The following JADE3 variants were observed in gnomAD, a reference collection of about 807,000 sequenced individuals.
The protein encoded by JADE3 is jade family PHD finger 3.
JADE3 carries 2 observed loss-of-function variants against 50.1 expected under a neutral mutation model. The ratio of observed to expected loss-of-function variants is 0.04; its 90% CI spans 0.02 to 0.13. The LOEUF (loss-of-function observed/expected upper bound fraction) is 0.13. JADE3 is among the 10% of genes least tolerant of loss of function. JADE3 has a pLI of 1.00. For synonymous variants in JADE3, 218 were observed against 232.9 expected, an observed-to-expected ratio of 0.94 and a Z score of 0.58; for missense variants, 475 against 634.4, an observed-to-expected ratio of 0.75 and a Z score of 2.70.
At chrX:46,982,974 G>A (rs1376903575) in intron 1 of JADE3, among the ~76,000 whole-genome samples, 6 of 111,265 alleles carry the variant, frequency 5.4e-5, no homozygotes, top group African/African-American at 2.0e-4. Context: ...GATTACAGGC[G>A]CCTGCCACCA....
At chrX:46,913,939 A>C (rs999474530) in intron 1 of JADE3, among the ~76,000 whole-genome samples, 3 of 110,296 alleles carry the variant, frequency 2.7e-5, no homozygotes, top group African/African-American at 9.9e-5. Flanking sequence ...GCTGAGGATG[A>C]GATTCCCCCC....
intron 6 of JADE3, among the ~76,000 whole-genome samples, chrX:47,029,836 G>A (rs1556366372): frequency 2.7e-5 from 3 of 111,517 alleles, no homozygotes; most frequent in African/African-American, 9.8e-5. Context: ...CACAATACAA[G>A]CCCAGAGTCC....
intron 8 of JADE3, among the ~76,000 whole-genome samples, chrX:47,052,794 AC>A (rs1929544052): frequency 9.0e-6 from 1 of 110,766 alleles, no homozygotes; most frequent in South Asian, 3.8e-4. Flanking sequence ...AGTGGCTCAC[AC>A]CTGTAATCCC....
chrX:46,917,824 TCTCTCTCATC>T (rs1926124895), intron 1 of JADE3, among the ~76,000 whole-genome samples: 1 of 56,955 alleles, frequency 1.8e-5, no homozygotes, highest in Non-Finnish European at 3.5e-5. Context: ...TCTCTCTCAC[TCTCTCTCATC>T]CTCTCTCTCT....
At chrX:47,025,479 T>A (rs1928886801) in intron 5 of JADE3, among the ~76,000 whole-genome samples, 1 of 112,146 alleles carries the variant, frequency 8.9e-6, no homozygotes, top group African/African-American at 3.2e-5. Flanking sequence ...CTTAGCTACT[T>A]CCACGGAGTT....
chrX:46,941,328 G>A (rs1284669714), intron 1 of JADE3, among the ~76,000 whole-genome samples: 2 of 111,459 alleles, frequency 1.8e-5, no homozygotes, highest in Non-Finnish European at 3.8e-5. Context: ...GGTTGATACC[G>A]TGTCTTTGCT....
At chrX:46,965,284 T>C (rs1477553128) in intron 1 of JADE3, among the ~76,000 whole-genome samples, 5 of 111,324 alleles carry the variant, frequency 4.5e-5, no homozygotes, top group African/African-American at 1.6e-4. Context: ...AGTAAAAAGA[T>C]GTTGCTTCTG....
chrX:47,021,128 CCTT>C (rs1430874379), intron 4 of JADE3, among the ~76,000 whole-genome samples: 2 of 110,150 alleles, frequency 1.8e-5, no homozygotes, highest in Non-Finnish European at 3.8e-5. Flanking sequence ...AAGAACCCCT[CCTT>C]CTTCTCCCTG....
At chrX:46,955,699 T>C (rs1324399639) in intron 1 of JADE3, among the ~76,000 whole-genome samples, 1 of 111,347 alleles carries the variant, frequency 9.0e-6, no homozygotes, top group African/African-American at 3.3e-5. Flanking sequence ...TGATGGAACG[T>C]GAGAATTGTA....
chrX:47,029,885 G>A (rs1441387610), intron 6 of JADE3, among the ~76,000 whole-genome samples: 2 of 111,472 alleles, frequency 1.8e-5, no homozygotes, highest in East Asian at 2.8e-4. Flanking sequence ...TCTGAAAAAC[G>A]CATGTTTTTG....
chrX:46,934,779 A>G (rs939113470), intron 1 of JADE3, among the ~76,000 whole-genome samples: 2 of 111,641 alleles, frequency 1.8e-5, no homozygotes, highest in African/African-American at 6.5e-5. Flanking sequence ...AAGTTTTATA[A>G]TTTTACATTT....
At position 46,990,574 on chromosome X, in the gene JADE3, A is replaced by G. The variant is rs1375447902; in HGVS notation, c.126+4782A>G. Among the ~76,000 whole-genome samples the G allele has an allele frequency of 6.3e-5, 7 of 111,631 alleles. No homozygotes were observed. The East Asian group carries it at 2.0e-3, about 32-fold the overall frequency. On this transcript the variant is annotated intron_variant, in intron 3 of 10. Coordinates refer to ENST00000614628, the MANE Select transcript of JADE3 (RefSeq NM_014735.5). ...TCCCTACCCAGTCTGCCAACATCAC[A>G]TTGAGGAGGAGAGGTGCCTCATTAT...
intron 1 of JADE3, among the ~76,000 whole-genome samples, chrX:46,957,388 C>T (rs1036007822): frequency 3.4e-4 from 38 of 112,506 alleles, no homozygotes; most frequent in African/African-American, 1.2e-3. Flanking sequence ...TTAATCTTTG[C>T]ATAGTATGTA....
At chrX:47,041,531 C>T (rs1320441563) in intron 8 of JADE3, among the ~76,000 whole-genome samples, 1 of 110,421 alleles carries the variant, frequency 9.1e-6, no homozygotes, top group African/African-American at 3.3e-5. Flanking sequence ...GTACACGCCA[C>T]TACACCTGGC....
intron 3 of JADE3, among the ~76,000 whole-genome samples, chrX:46,993,800 G>A (rs1298031001): frequency 8.9e-6 from 1 of 112,142 alleles, no homozygotes; most frequent in African/African-American, 3.2e-5. Flanking sequence ...CAAGAACAGA[G>A]TTTTTAAGGG....
At chrX:47,046,640 T>C (rs1486764012) in intron 8 of JADE3, among the ~76,000 whole-genome samples, 4 of 112,477 alleles carry the variant, frequency 3.6e-5, no homozygotes, top group Non-Finnish European at 7.5e-5. Context: ...AACAAAGTAC[T>C]GGAACACCAA....
intron 4 of JADE3, among the ~76,000 whole-genome samples, chrX:47,013,756 T>G: frequency 8.9e-6 from 1 of 112,255 alleles, no homozygotes; most frequent in Middle Eastern, 4.6e-3. Context: ...TTACTCTTGT[T>G]TGATGAGAAG....
intron 1 of JADE3, among the ~76,000 whole-genome samples, chrX:46,970,197 A>G (rs1927456049): frequency 8.9e-6 from 1 of 111,863 alleles, no homozygotes. Context: ...GGCCAAATAC[A>G]TTTTTTTGGG....
intron 1 of JADE3, among the ~76,000 whole-genome samples, chrX:46,913,207 G>A (rs978270461): frequency 9.0e-6 from 1 of 111,536 alleles, no homozygotes; most frequent in Non-Finnish European, 1.9e-5. Context: ...GGGAGCGAGG[G>A]CGCGCCCTGG....
Sources: allele counts gnomAD v4.1 joint callset (sites outside exome capture counted in the v4.1 genomes callset), GRCh38; gene constraint gnomAD v4.1.1; transcripts MANE v1.5; gene names NCBI Gene and HGNC (gene_info 2026-07-23, HGNC 2026-07-21).